DSCAM: variants seen among roughly 807,000 people sequenced by gnomAD.
The protein encoded by DSCAM is cell adhesion molecule DSCAM.
Under a neutral mutation model 217.7 loss-of-function variants are expected in DSCAM, and 47 were observed. The observed-to-expected ratio is 0.22, with a 90% confidence interval of 0.17 to 0.28. The LOEUF (loss-of-function observed/expected upper bound fraction) is 0.28. Ranked by LOEUF, DSCAM falls within the 10% of genes least tolerant of loss-of-function variation. The pLI is 1.00. For synonymous variants in DSCAM, 1,056 were observed against 1,015.3 expected, an observed-to-expected ratio of 1.04 and a Z score of -0.76; for missense variants, 2,080 against 2,618.3, an observed-to-expected ratio of 0.79 and a Z score of 4.49.
At chr21:40,064,676 G>A (rs35352029) in intron 27 of DSCAM, among the ~76,000 whole-genome samples, 172 of 152,250 alleles carry the variant, frequency 1.1e-3, no homozygotes, top group Middle Eastern at 6.8e-3. Flanking sequence ...GCCATGAATG[G>A]GCAGTGTGCT....
At chr21:40,242,164 T>A (rs74765434) in intron 11 of DSCAM, among the ~76,000 whole-genome samples, 7,625 of 151,448 alleles carry the variant, frequency 0.05, 454 homozygotes, top group East Asian at 0.22. Flanking sequence ...TTTTTTTTTT[T>A]TAAAAGAAAG....
At chr21:40,134,308 T>G (rs1346404181) in intron 18 of DSCAM, among the ~76,000 whole-genome samples, 2 of 152,168 alleles carry the variant, frequency 1.3e-5, no homozygotes, top group African/African-American at 4.8e-5. Flanking sequence ...GCACCAGGGC[T>G]GCCACTCACC....
chr21:40,469,506 A>G (rs1432515678), intron 3 of DSCAM, among the ~76,000 whole-genome samples: 1 of 152,216 alleles, frequency 6.6e-6, no homozygotes, highest in African/African-American at 2.4e-5. Context: ...GTGGAAAATC[A>G]TTTTGTGCTT....
At chr21:40,716,289 A>T (rs2090841903) in intron 1 of DSCAM, among the ~76,000 whole-genome samples, 1 of 152,198 alleles carries the variant, frequency 6.6e-6, no homozygotes, top group African/African-American at 2.4e-5. Flanking sequence ...TGCCTAAATA[A>T]TAGCACTTCT....
intron 3 of DSCAM, among the ~76,000 whole-genome samples, chr21:40,504,086 G>A (rs778778565): frequency 2.0e-4 from 31 of 152,258 alleles, no homozygotes; most frequent in South Asian, 6.2e-4. Context: ...ATATCTCACC[G>A]TGACTCACTG....
chr21:40,226,003 T>A (rs941988801), intron 11 of DSCAM, among the ~76,000 whole-genome samples: 28 of 152,356 alleles, frequency 1.8e-4, no homozygotes, highest in African/African-American at 6.5e-4. Context: ...ACTTTCTACA[T>A]ATAAATAGCA....
intron 3 of DSCAM, among the ~76,000 whole-genome samples, chr21:40,413,538 T>A (rs1353072627): frequency 6.6e-6 from 1 of 152,244 alleles, no homozygotes; most frequent in Non-Finnish European, 1.5e-5. Flanking sequence ...CCTTTGTTTT[T>A]GCCAATTTCT....
At chr21:40,150,513 A>T (rs2090413365) in intron 16 of DSCAM, among the ~76,000 whole-genome samples, 1 of 152,212 alleles carries the variant, frequency 6.6e-6, no homozygotes, top group Admixed American at 6.5e-5. Context: ...AAATCCATAA[A>T]TGTAGGGATT....
chr21:40,485,508 C>T (rs2076020623), intron 3 of DSCAM, among the ~76,000 whole-genome samples: 1 of 152,150 alleles, frequency 6.6e-6, no homozygotes, highest in African/African-American at 2.4e-5. Context: ...TCCCAAAGTG[C>T]TGGGATTACA....
intron 3 of DSCAM, among the ~76,000 whole-genome samples, chr21:40,405,737 C>T (rs113531239): frequency 1.4e-3 from 216 of 152,268 alleles, no homozygotes; most frequent in African/African-American, 5.0e-3. Flanking sequence ...TGGCTCATGC[C>T]TGTAATCCCA....
At chr21:40,218,689 G>A (rs2410224) in intron 11 of DSCAM, among the ~76,000 whole-genome samples, 1,902 of 151,606 alleles carry the variant, frequency 0.013, 38 homozygotes, top group African/African-American at 0.044. Flanking sequence ...TGTAATTCTT[G>A]TTGTAGAGAT....
At chr21:40,052,456 C>A (rs1304404143) in intron 29 of DSCAM, among the ~76,000 whole-genome samples, 2 of 152,154 alleles carry the variant, frequency 1.3e-5, no homozygotes, top group Non-Finnish European at 2.9e-5. Context: ...TCTGAGACAT[C>A]ATCTGCGATG....
intron 20 of DSCAM, among the ~76,000 whole-genome samples, chr21:40,108,669 C>A (rs1220619640): frequency 6.6e-6 from 1 of 152,092 alleles, no homozygotes; most frequent in African/African-American, 2.4e-5. Flanking sequence ...TCAGTTGGAA[C>A]CAAAAAGAGC....
intron 3 of DSCAM, among the ~76,000 whole-genome samples, chr21:40,685,681 T>C (rs2090465167): frequency 6.6e-6 from 1 of 152,230 alleles, no homozygotes; most frequent in South Asian, 2.1e-4. Flanking sequence ...TTCTCCTGTA[T>C]TAAGTCACAG....
At chr21:40,130,380 C>T (rs1175811421) in intron 19 of DSCAM, among the ~76,000 whole-genome samples, 1 of 152,190 alleles carries the variant, frequency 6.6e-6, no homozygotes, top group Non-Finnish European at 1.5e-5. Flanking sequence ...TACAAGTTCT[C>T]ACTGATAGAG....
intron 1 of DSCAM, among the ~76,000 whole-genome samples, chr21:40,788,080 ATGC>A (rs1321440905): frequency 1.3e-5 from 2 of 152,356 alleles, no homozygotes; most frequent in East Asian, 3.9e-4. Context: ...AGAATAAAAC[ATGC>A]TGTCCACTTT....
chr21:40,460,365 C>G (rs191556434), intron 3 of DSCAM, among the ~76,000 whole-genome samples: 12 of 152,022 alleles, frequency 7.9e-5, no homozygotes, highest in South Asian at 4.2e-4. Context: ...ATACAAATGA[C>G]AAACATAAAA....
rs1369542747 is a variant in DSCAM, at chr21:40,339,368, G to C, written c.1258C>G (p.Pro420Ala). The C allele has an allele frequency of 1.2e-6, 2 of 1,613,068 alleles. No individual in the cohort carries two copies. Among genetic ancestry groups the C allele is most frequent in the Non-Finnish European group, 1.7e-6 (2 of 1,179,686 alleles). The change falls in exon 7 of 33, where the codon CCA becomes GCA. Residue 420 changes from proline to alanine, a missense_variant. Around this residue, in one of 5 missense-constraint regions of DSCAM, gnomAD observed 568 missense variants for 678.1 expected, o/e 0.84. Coordinates refer to ENST00000400454, the MANE Select transcript of DSCAM (RefSeq NM_001389.5). ...ISAFSEKVVS[P>A]AEPVSLMCNV... is the part of the protein sequence containing the mutation. ...CACATAAGGGAAACCGGCTCTGCTGGACTCACCACCTTTTCACTAAAGGCA... is the reference window on the plus strand; with the variant it reads ...CACATAAGGGAAACCGGCTCTGCTGCACTCACCACCTTTTCACTAAAGGCA...
chr21:40,109,327 G>T (rs998018564), intron 20 of DSCAM, among the ~76,000 whole-genome samples: 2 of 152,164 alleles, frequency 1.3e-5, no homozygotes, highest in Admixed American at 6.5e-5. Context: ...CCGATAAAAC[G>T]TGGGCAGAGG....
Sources: allele counts gnomAD v4.1 joint callset (sites outside exome capture counted in the v4.1 genomes callset), GRCh38; gene constraint gnomAD v4.1.1; regional missense constraint gnomAD v4.1.1; transcripts MANE v1.5; gene names NCBI Gene and HGNC (gene_info 2026-07-23, HGNC 2026-07-21).